EPB41: variants seen among roughly 807,000 people sequenced by gnomAD.
EPB41 encodes protein 4.1.
EPB41 carries 65 observed loss-of-function variants against 108.0 expected under a neutral mutation model. That is an observed-to-expected ratio of 0.60 (90% CI 0.49 to 0.74). The LOEUF is 0.74. Among genes scored for constraint, EPB41 ranks in the 30% least tolerant of loss-of-function variants. The pLI is 0.00. For missense variants in EPB41, 875 were observed against 1,037.0 expected (o/e 0.84, Z 2.15); for synonymous variants, 336 against 358.9 (o/e 0.94, Z 0.72).
At chr1:28,909,824 A>G (rs910260094), upstream of EPB41, among the ~76,000 whole-genome samples, 1 of 151,912 alleles carries the variant, frequency 6.6e-6, no homozygotes, top group Non-Finnish European at 1.5e-5. Flanking sequence ...ATAGATAGAT[A>G]GATAGATAGT....
At chr1:28,949,405 A>C (rs1200459506) in intron 1 of EPB41, among the ~76,000 whole-genome samples, 3 of 152,122 alleles carry the variant, frequency 2.0e-5, no homozygotes, top group Non-Finnish European at 2.9e-5. Flanking sequence ...GCATCACTGC[A>C]CTCCAGTATG....
intron 6 of EPB41, among the ~76,000 whole-genome samples, chr1:29,017,570 G>A (rs1572528801): frequency 6.6e-6 from 1 of 152,186 alleles, no homozygotes; most frequent in Non-Finnish European, 1.5e-5. Context: ...TTACAAGGTG[G>A]CTAATAGTAT....
chr1:29,070,891 C>T, intron 16 of EPB41: 2 of 321,768 alleles, frequency 6.2e-6, no homozygotes, highest in Non-Finnish European at 1.1e-5. Flanking sequence ...TGGTAATCTT[C>T]CCAAAAGCTT....
intron 14 of EPB41, among the ~76,000 whole-genome samples, chr1:29,059,300 T>A (rs753655038): frequency 6.6e-6 from 1 of 152,132 alleles, no homozygotes; most frequent in Admixed American, 6.5e-5. Context: ...ACCATAATCC[T>A]GTACTATATG....
intron 3 of EPB41, among the ~76,000 whole-genome samples, chr1:28,995,985 A>G (rs766799224): frequency 6.6e-6 from 1 of 152,246 alleles, no homozygotes; most frequent in Non-Finnish European, 1.5e-5. Flanking sequence ...AGGACATGTC[A>G]TATATGTTTG....
intron 16 of EPB41, among the ~76,000 whole-genome samples, chr1:29,087,597 G>A (rs2151355163): frequency 6.6e-6 from 1 of 152,078 alleles, no homozygotes; most frequent in South Asian, 2.1e-4. Flanking sequence ...CCCAACCTCC[G>A]ATGATCACCC....
chr1:28,921,938 TTATATATATATA>T lies in EPB41; in HGVS notation c.-8+7183_-8+7194del, dbSNP rs66808636. Among the ~76,000 whole-genome samples the T allele has an allele frequency of 1.9e-5, 2 of 102,632 alleles. 1 individual carries two copies. The highest frequency in any genetic ancestry group is 1.7e-3 in the East Asian group (2 of 1,158). 67.3% of individuals were successfully genotyped at this position (102,632 alleles called of 152,430 possible). A position where few individuals can be genotyped will look rare whatever the true frequency, so the allele number is the denominator to read the frequency against. ...TAAATAGTATTTTATTTATGAAATTTTATATATATATATATATATATATACACTTTTTTTTTG... is the reference window on the plus strand; with the variant it reads ...TAAATAGTATTTTATTTATGAAATTTTATATATATATACACTTTTTTTTTG... On this transcript the variant is annotated intron_variant, in intron 1 of 20. Transcript: ENST00000343067.
chr1:28,959,212 C>CTTTTTTTTT (rs34502231), intron 1 of EPB41, among the ~76,000 whole-genome samples: 1 of 97,936 alleles, frequency 1.0e-5, no homozygotes, highest in Non-Finnish European at 1.9e-5. Context: ...AAAGTTTGAT[C>CTTTTTTTTT]TTTTTTTTTT....
At chr1:28,951,075 TC>T (rs1385230476) in intron 1 of EPB41, among the ~76,000 whole-genome samples, 2 of 152,148 alleles carry the variant, frequency 1.3e-5, no homozygotes, top group African/African-American at 2.4e-5. Context: ...ACTCAGGTGA[TC>T]CGCCTGCCTC....
chr1:28,940,169 G>A (rs1339917556), intron 1 of EPB41, among the ~76,000 whole-genome samples: 2 of 152,116 alleles, frequency 1.3e-5, no homozygotes, highest in South Asian at 2.1e-4. Context: ...TAAACAAATC[G>A]TACATCAGGG....
chr1:28,950,473 T>C (rs187898315), intron 1 of EPB41, among the ~76,000 whole-genome samples: 1 of 152,352 alleles, frequency 6.6e-6, no homozygotes, highest in Admixed American at 6.5e-5. Flanking sequence ...AAGGCATACA[T>C]CTATTTTGAA....
chr1:28,969,167 C>T (rs1374300509), intron 1 of EPB41, among the ~76,000 whole-genome samples: 1 of 151,460 alleles, frequency 6.6e-6, no homozygotes, highest in Non-Finnish European at 1.5e-5. Context: ...TCACTGCAAC[C>T]TCCACCTCCT....
intron 3 of EPB41, among the ~76,000 whole-genome samples, chr1:28,996,478 C>T (rs2096179233): frequency 6.6e-6 from 1 of 152,150 alleles, no homozygotes; most frequent in Admixed American, 6.5e-5. Context: ...ATGATTTCCA[C>T]AGCCACAATT....
chr1:29,119,086 A>G lies in EPB41; in HGVS notation c.*2274A>G, dbSNP rs9578. 0.21 allele frequency: 32,096 copies of G among 152,294 alleles called. 3,988 individuals carry two copies. Among genetic ancestry groups the G allele is most frequent in the Non-Finnish European group, 0.29 (19,923 of 68,020 alleles). 9.4% of individuals were successfully genotyped at this position (152,294 alleles called of 1,614,324 possible). A position where few individuals can be genotyped will look rare whatever the true frequency, so the allele number is the denominator to read the frequency against. On this transcript the variant is annotated 3_prime_UTR_variant, in exon 21 of 21. Transcript: ENST00000343067. ...CATCGGGGGCCTAAACGTTTCCCTC[A>G]GCTCTGTCACCAACTCACTTCTCTC...
At chr1:28,894,516 T>C (rs2090460277) in intron 1 of EPB41, among the ~76,000 whole-genome samples, 1 of 152,134 alleles carries the variant, frequency 6.6e-6, no homozygotes, top group South Asian at 2.1e-4. Flanking sequence ...GTACCAAGCA[T>C]GTATCAATCA....
At chr1:29,034,973 G>GTTTTTTTTTT (rs10580931) in intron 9 of EPB41, among the ~76,000 whole-genome samples, 3 of 87,188 alleles carry the variant, frequency 3.4e-5, no homozygotes, top group Non-Finnish European at 4.4e-5. Flanking sequence ...TTTGTTTGTT[G>GTTTTTTTTTT]TTTTTTTTTT....
intron 18 of EPB41, 22 bp from the exon 19 acceptor site, chr1:29,112,344 ATG>A: frequency 6.3e-7 from 1 of 1,587,140 alleles, no homozygotes; most frequent in Non-Finnish European, 8.6e-7. Flanking sequence ...CTGATCTCAT[ATG>A]ACATCTTCTC....
chr1:28,968,690 G>A (rs532355869), intron 1 of EPB41, among the ~76,000 whole-genome samples: 24 of 151,972 alleles, frequency 1.6e-4, no homozygotes, highest in Non-Finnish European at 3.1e-4. Context: ...GAGGCCGGGC[G>A]CAGTGGCTCA....
At chr1:29,091,628 T>C (rs765382450) in intron 16 of EPB41, among the ~76,000 whole-genome samples, 5 of 152,232 alleles carry the variant, frequency 3.3e-5, no homozygotes, top group Admixed American at 6.5e-5. Flanking sequence ...TTGTATTTTA[T>C]CTTCAGAACC....
Sources: gnomAD v4.1 joint callset for allele counts (sites outside exome capture counted in the v4.1 genomes callset) on GRCh38, gnomAD v4.1.1 for gene constraint, MANE v1.5 for transcripts, NCBI Gene and HGNC (gene_info 2026-07-23, HGNC 2026-07-21) for gene names.